CLCN4: variants seen among roughly 807,000 people sequenced by gnomAD.
CLCN4 encodes Cl-/H+ antiporter 4.
Under a neutral mutation model 41.7 loss-of-function variants are expected in CLCN4, and 1 was observed. The observed-to-expected ratio is 0.02, with a 90% CI of 0.01 to 0.11. The LOEUF (loss-of-function observed/expected upper bound fraction) is 0.11, where lower values mean the gene tolerates loss of function less well. Among genes scored for constraint, CLCN4 ranks in the 10% least tolerant of loss-of-function variants. The pLI is 1.00. For synonymous variants in CLCN4, 277 were observed against 285.8 expected, an observed-to-expected ratio of 0.97 and a Z score of 0.31; for missense variants, 287 against 661.0, an observed-to-expected ratio of 0.43 and a Z score of 6.20.
chrX:10,198,718 A>C (rs1924160540), intron 6 of CLCN4, among the ~76,000 whole-genome samples: 2 of 112,510 alleles, frequency 1.8e-5, no homozygotes, highest in Non-Finnish European at 3.7e-5. Context: ...GCCTGAGACC[A>C]AACTTGAAAC....
At chrX:10,202,021 G>A (rs1569229107) in intron 6 of CLCN4, among the ~76,000 whole-genome samples, 2 of 111,339 alleles carry the variant, frequency 1.8e-5, no homozygotes, top group Admixed American at 1.9e-4. Context: ...TTTATTTTAT[G>A]TAATAAATGC....
rs1461814640 is a variant in CLCN4, at chrX:10,198,977, T to C, written c.555+916T>C. Among the ~76,000 whole-genome samples the C allele has an allele frequency of 9.8e-5, 11 of 112,125 alleles. No individual in the cohort carries two copies. In the Admixed American group the frequency reaches 1.0e-3, roughly 11 times the overall value. ...CTTTGGGAGGACCCTGCAGCCCTGA[T>C]GGTGGTCCAGGCAGTTTGCAGAAAG... On this transcript the variant is annotated intron_variant, in intron 6 of 12. Transcript: ENST00000380833.
In CLCN4 at chrX:10,234,455, A is replaced by G. The variant is rs776148300; in HGVS notation, c.*871A>G. The G allele has an allele frequency of 1.8e-5, 2 of 113,154 alleles. No homozygotes were observed. The highest frequency in any genetic ancestry group is 7.3e-4 in the South Asian group (2 of 2,732). 9.3% of individuals were successfully genotyped at this position (113,154 alleles called of 1,213,427 possible). On this transcript the variant is annotated 3_prime_UTR_variant, in exon 13 of 13. Coordinates refer to ENST00000380833, the MANE Select transcript of CLCN4 (RefSeq NM_001830.4). ...CAATATTGATCAGCTCAGCACTTCCATGGGCCATAGCCGGTATGCCCCCAG... is the reference window on the plus strand; with the variant it reads ...CAATATTGATCAGCTCAGCACTTCCGTGGGCCATAGCCGGTATGCCCCCAG...
rs1238166756 is a variant in CLCN4 at position 10,167,217 on chromosome X, C to T, written c.-12+8666C>T. On this transcript the variant is annotated intron_variant, in intron 2 of 12. Transcript: ENST00000380833. ...CTCCACCCCTCACTGGGGGCCACCA[C>T]CTGGCTCCCGTCACTGTCAGTGCCT... is the stretch of plus-strand genomic sequence containing the variant. Among the ~76,000 whole-genome samples the T allele has an allele frequency of 2.7e-5, 3 of 112,362 alleles. No homozygotes were observed. In the Admixed American group the frequency reaches 2.8e-4, roughly 11 times the overall value.
In CLCN4 at chrX:10,208,072, T is replaced by C. The variant is rs373785409; in HGVS notation, c.871T>C (p.Leu291=). 4 of 1,209,181 alleles carry C rather than the reference T, an allele frequency of 3.3e-6. No homozygotes were observed. In the African/African-American group the frequency reaches 7.0e-5, roughly 21 times the overall value. ...EVSYYFPLKT[L]WRSFFAALVA... is the part of the protein sequence containing the mutation. ...CAGTTACTACTTTCCCCTGAAGACCTTGTGGAGGTCATTTTTCGCAGCCCT... is the reference window on the plus strand; with the variant it reads ...CAGTTACTACTTTCCCCTGAAGACCCTGTGGAGGTCATTTTTCGCAGCCCT... The change falls in exon 9 of 13, where the codon TTG becomes CTG. Residue 291 remains leucine, a synonymous_variant. Transcript: ENST00000380833.
At chrX:10,215,124 A>G (rs966883799) in intron 11 of CLCN4, among the ~76,000 whole-genome samples, 2 of 111,978 alleles carry the variant, frequency 1.8e-5, no homozygotes, top group African/African-American at 3.2e-5. Flanking sequence ...CAGTTTTACT[A>G]TATATCTTCT....
intron 2 of CLCN4, among the ~76,000 whole-genome samples, chrX:10,176,475 T>C (rs1437855954): frequency 8.9e-6 from 1 of 112,651 alleles, no homozygotes; most frequent in South Asian, 3.6e-4. Flanking sequence ...ATTTCCCACC[T>C]GGACCTTTCT....
chrX:10,218,982 G>A (rs1924794570), intron 11 of CLCN4, among the ~76,000 whole-genome samples: 2 of 112,615 alleles, frequency 1.8e-5, no homozygotes, highest in Non-Finnish European at 3.7e-5. Flanking sequence ...TCATTCATAT[G>A]TGCATTTGGC....
At chrX:10,163,281 C>A (rs994036449) in intron 2 of CLCN4, among the ~76,000 whole-genome samples, 1 of 112,980 alleles carries the variant, frequency 8.9e-6, no homozygotes, top group African/African-American at 3.2e-5. Flanking sequence ...CCCTCCTATC[C>A]CTTCCCCCAT....
intron 12 of CLCN4, among the ~76,000 whole-genome samples, chrX:10,225,606 A>G (rs1924969526): frequency 9.0e-6 from 1 of 111,598 alleles, no homozygotes; most frequent in African/African-American, 3.3e-5. Context: ...ATTAGATCCC[A>G]TTTGTCAACT....
rs184729271 is a variant in CLCN4 at position 10,235,881 on chromosome X, A to G, written c.*2297A>G. The stretch of plus-strand genomic sequence containing the variant: ...AAGAATAAAATTCATTGTCGTATTT[A>G]TAGCACGTAAGCCTTGAGTAACAGG... On this transcript the variant is annotated 3_prime_UTR_variant, in exon 13 of 13. Transcript: ENST00000380833. 1 of 112,528 alleles carries G rather than the reference A, an allele frequency of 8.9e-6. No individual in the cohort carries two copies. The highest frequency in any genetic ancestry group is 3.2e-5 in the African/African-American group (1 of 31,012). 9.3% of individuals were successfully genotyped at this position (112,528 alleles called of 1,213,427 possible). A position where few individuals can be genotyped will look rare whatever the true frequency, so the allele number is the denominator to read the frequency against.
At chrX:10,177,020 C>T (rs953321045) in intron 2 of CLCN4, among the ~76,000 whole-genome samples, 2 of 112,683 alleles carry the variant, frequency 1.8e-5, no homozygotes, top group African/African-American at 6.5e-5. Flanking sequence ...AAACAGGAGT[C>T]GGCCAAGTTC....
At chrX:10,161,417 T>G (rs912030207) in intron 2 of CLCN4, among the ~76,000 whole-genome samples, 1 of 111,827 alleles carries the variant, frequency 8.9e-6, no homozygotes, top group African/African-American at 3.3e-5. Context: ...GCCTTGTCTC[T>G]TCAACAAGGT....
intron 6 of CLCN4, among the ~76,000 whole-genome samples, chrX:10,201,362 C>T (rs1307977490): frequency 8.9e-6 from 1 of 112,084 alleles, no homozygotes; most frequent in Admixed American, 9.5e-5. Context: ...TTTTAAAGAA[C>T]TTTCAGGAAC....
chrX:10,214,304 G>A (rs55651017), intron 11 of CLCN4, among the ~76,000 whole-genome samples: 2,663 of 112,414 alleles, frequency 0.024, 28 homozygotes, highest in Non-Finnish European at 0.031. Flanking sequence ...CATTAACGCC[G>A]ATATTGCTGG....
intron 2 of CLCN4, among the ~76,000 whole-genome samples, chrX:10,165,911 C>T (rs1281206412): frequency 8.9e-6 from 1 of 112,062 alleles, no homozygotes; most frequent in African/African-American, 3.2e-5. Context: ...TCCCGGGCCA[C>T]CAGGAACAGC....
intron 2 of CLCN4, among the ~76,000 whole-genome samples, chrX:10,164,219 T>C (rs1317806968): frequency 2.7e-5 from 3 of 111,987 alleles, no homozygotes; most frequent in Non-Finnish European, 5.7e-5. Flanking sequence ...TTGAGCACGG[T>C]GGGCTGAGTG....
intron 11 of CLCN4, among the ~76,000 whole-genome samples, chrX:10,216,491 C>T (rs1924709107): frequency 9.0e-6 from 1 of 110,962 alleles, no homozygotes; most frequent in Non-Finnish European, 1.9e-5. Flanking sequence ...GTCTTGAGTT[C>T]TGCAGTTAAG....
chrX:10,188,915 G>A (rs751600385), intron 4 of CLCN4, among the ~76,000 whole-genome samples: 2 of 112,317 alleles, frequency 1.8e-5, no homozygotes, highest in East Asian at 5.6e-4. Context: ...AAAGAGCTAA[G>A]AGGAATGCTC....
Sources: gnomAD v4.1 joint callset for allele counts (sites outside exome capture counted in the v4.1 genomes callset) on GRCh38, gnomAD v4.1.1 for gene constraint, MANE v1.5 for transcripts, NCBI Gene and HGNC (gene_info 2026-07-23, HGNC 2026-07-21) for gene names.